The following SPOP variants were observed in gnomAD, a reference collection of about 807,000 sequenced individuals.
SPOP encodes the protein speckle-type POZ protein.
SPOP carries 11 observed loss-of-function variants against 45.6 expected under a neutral mutation model. That is an observed-to-expected ratio of 0.24 (90% CI 0.15 to 0.40). SPOP has a LOEUF of 0.40. Ranked by LOEUF, SPOP falls within the 10% of genes least tolerant of loss-of-function variation. The pLI, the probability that SPOP is intolerant of heterozygous loss-of-function variation, is 1.00. For synonymous variants in SPOP, 166 were observed against 166.3 expected (o/e 1.00, Z 0.01); for missense variants, 152 against 465.6 (o/e 0.33, Z 6.20).
intron 1 of SPOP, among the ~76,000 whole-genome samples, chr17:49,639,227 T>A (rs2072600887): frequency 6.6e-6 from 1 of 150,912 alleles, no homozygotes; most frequent in African/African-American, 2.4e-5. Flanking sequence ...ACTCTCCACT[T>A]TTTTTTTTAA....
chr17:49,630,714 A>G (rs1255454730), intron 1 of SPOP, among the ~76,000 whole-genome samples: 1 of 152,166 alleles, frequency 6.6e-6, no homozygotes, highest in Non-Finnish European at 1.5e-5. Context: ...GGCTTCTCAA[A>G]GCACTGGGAA....
chr17:49,614,858 T>C (rs1171805910), intron 5 of SPOP, among the ~76,000 whole-genome samples: 3 of 150,044 alleles, frequency 2.0e-5, no homozygotes, highest in Admixed American at 1.3e-4. Flanking sequence ...AAACTATTAG[T>C]TTAAAAAATT....
At chr17:49,609,553 G>C (rs956359183) in intron 6 of SPOP, among the ~76,000 whole-genome samples, 5 of 152,170 alleles carry the variant, frequency 3.3e-5, no homozygotes, top group African/African-American at 1.2e-4. Flanking sequence ...AGGGATTGGT[G>C]AGGAAGAAGT....
chr17:49,621,188 T>C (rs2072215758), intron 3 of SPOP, among the ~76,000 whole-genome samples: 1 of 152,218 alleles, frequency 6.6e-6, no homozygotes, highest in Non-Finnish European at 1.5e-5. Flanking sequence ...GTTCAGGGAA[T>C]GCAAACGTAA....
At chr17:49,677,693 G>A (rs537045710) in intron 1 of SPOP, among the ~76,000 whole-genome samples, 22 of 152,306 alleles carry the variant, frequency 1.4e-4, no homozygotes, top group African/African-American at 3.6e-4. Context: ...ATGATGGGGG[G>A]GCTGAAGGCA....
intron 3 of SPOP, among the ~76,000 whole-genome samples, chr17:49,621,299 G>A (rs2072218360): frequency 6.6e-6 from 1 of 152,220 alleles, no homozygotes. Flanking sequence ...GGTACTGCCA[G>A]TTATCCCTTA....
At chr17:49,671,717 T>A (rs1392227661) in intron 1 of SPOP, among the ~76,000 whole-genome samples, 1 of 152,172 alleles carries the variant, frequency 6.6e-6, no homozygotes, top group Non-Finnish European at 1.5e-5. Context: ...GTAGAAATTA[T>A]AATTTAGGCC....
chr17:49,666,490 CA>C lies in SPOP; in HGVS notation c.-67+11442del, dbSNP rs1567804329. On this transcript the variant is annotated intron_variant, in intron 1 of 9. Transcript: ENST00000504102. The stretch of plus-strand genomic sequence containing the variant: ...ACACACACACACACACACACACACA[CA>C]CACCCATATAGGAACAATATAATAA... 1.2e-3 allele frequency among the ~76,000 whole-genome samples: 158 copies of C among 134,330 alleles called. 2 individuals are homozygous for C. In the South Asian group the frequency reaches 0.022, roughly 19 times the overall value. 88.1% of individuals were successfully genotyped at this position (134,330 alleles called of 152,430 possible).
rs200154697 is a variant in SPOP at position 49,622,850 on chromosome 17, G to A, written c.-40C>T. On this transcript the variant is annotated 5_prime_UTR_variant, in exon 2 of 10. Coordinates refer to ENST00000504102, the MANE Select transcript of SPOP (RefSeq NM_001007228.2). The stretch of plus-strand genomic sequence containing the variant: ...TTAAACGAGATTTCCAAAGTCAGGG[G>A]GCAAAGATTTCTGTTCCCTCTTCAC... 1.1e-5 allele frequency: 17 copies of A among 1,550,586 alleles called. No individual in the cohort carries two copies. The highest frequency in any genetic ancestry group is 1.4e-5 in the Non-Finnish European group (16 of 1,122,224).
chr17:49,630,910 A>G (rs1278402936), intron 1 of SPOP, among the ~76,000 whole-genome samples: 1 of 152,248 alleles, frequency 6.6e-6, no homozygotes, highest in Non-Finnish European at 1.5e-5. Flanking sequence ...TCTTAAATAT[A>G]TGAAAAGATG....
chr17:49,667,462 G>A (rs1487021951), intron 1 of SPOP, among the ~76,000 whole-genome samples: 15 of 152,006 alleles, frequency 9.9e-5, no homozygotes, highest in Middle Eastern at 3.4e-3. Context: ...GGTGGCATGC[G>A]CCTGTCATCT....
At chr17:49,652,659 C>T (rs1246034075) in intron 1 of SPOP, among the ~76,000 whole-genome samples, 1 of 152,204 alleles carries the variant, frequency 6.6e-6, no homozygotes, top group African/African-American at 2.4e-5. Context: ...AAACTATACC[C>T]TGACCCTTTC....
Position 49,678,029 on chromosome 17 carries a change from TAC to T in SPOP, c.-165_-164del, listed in dbSNP as rs1343720566. On this transcript the variant is annotated 5_prime_UTR_variant, in exon 1 of 10. The change abolishes the stop of an existing upstream ORF in the 5' untranslated region. Coordinates refer to ENST00000504102, the MANE Select transcript of SPOP (RefSeq NM_001007228.2). The stretch of plus-strand genomic sequence containing the variant: ...ACCTGCGGGACCGCCGATACACAAA[TAC>T]ACACACACTCGGAGCGCGCACACTC... 2 of 398,678 alleles carry T rather than the reference TAC, an allele frequency of 5.0e-6. No individual in the cohort carries two copies. The highest frequency in any genetic ancestry group is 8.8e-6 in the Non-Finnish European group (2 of 226,378). 24.7% of individuals were successfully genotyped at this position (398,678 alleles called of 1,614,324 possible).
At chr17:49,637,680 AT>A (rs1567788920) in intron 1 of SPOP, among the ~76,000 whole-genome samples, 3 of 152,148 alleles carry the variant, frequency 2.0e-5, no homozygotes, top group East Asian at 3.9e-4. Flanking sequence ...AAACTGACCT[AT>A]GAGTGCAGCA....
intron 1 of SPOP, chr17:49,675,750 T>C (rs1463503178): frequency 2.0e-5 from 3 of 152,218 alleles, no homozygotes; most frequent in East Asian, 1.9e-4. Flanking sequence ...CCGGGCACAG[T>C]GGCTCGCACC....
rs34977636 is a variant in SPOP, at chr17:49,669,429, T to TA, written c.-67+8503dup. ...CAAGAATGATCAATAAAAAATAAAT[T>TA]AAAAAAAAAAAAAAGCAAGTTGTAG... On this transcript the variant is annotated intron_variant, in intron 1 of 9. Coordinates refer to ENST00000504102, the MANE Select transcript of SPOP (RefSeq NM_001007228.2). Among the ~76,000 whole-genome samples, 518 of 90,926 alleles carry TA rather than the reference T, an allele frequency of 5.7e-3. 1 individual carries two copies. The highest frequency in any genetic ancestry group is 0.016 in the African/African-American group (414 of 25,358). The allele number at this position is 90,926 out of a possible 152,430, so 59.7% of individuals were successfully genotyped here.
In SPOP at chr17:49,663,807, G is replaced by A. The variant is rs2073018625; in HGVS notation, c.-67+14126C>T. Among the ~76,000 whole-genome samples the A allele has an allele frequency of 2.0e-5, 3 of 152,180 alleles. No homozygotes were observed. In the South Asian group the frequency reaches 6.2e-4, roughly 31 times the overall value. ...TGAAAATGGAGTCTGTCACTTTGAG[G>A]AAAACAAGTGACAGTATTTGTTGCC... On this transcript the variant is annotated intron_variant, in intron 1 of 9. Transcript: ENST00000504102.
rs2072174380 is a variant in SPOP at position 49,619,527 on chromosome 17, A to T, written c.201-142T>A. The T allele has an allele frequency of 1.0e-6, 1 of 984,002 alleles. No individual in the cohort carries two copies. The highest frequency in any genetic ancestry group is 2.6e-5 in the East Asian group (1 of 38,010). 61.0% of individuals were successfully genotyped at this position (984,002 alleles called of 1,614,324 possible). On this transcript the variant is annotated intron_variant, in intron 3 of 9. Coordinates refer to ENST00000504102, the MANE Select transcript of SPOP (RefSeq NM_001007228.2). The surrounding 1 kb of genome is among the most constrained non-coding windows in gnomAD (Gnocchi z 4.9). ...TAATTCAGTAGAATGACTAGTTGGG[A>T]ACAACTTTTTTCTCTTTTTTTTTGA...
intron 1 of SPOP, among the ~76,000 whole-genome samples, chr17:49,675,516 G>T (rs1036512023): frequency 6.6e-6 from 1 of 152,128 alleles, no homozygotes; most frequent in African/African-American, 2.4e-5. Context: ...AAAGAGGATG[G>T]TAAGAAAAGA....
Sources: gnomAD v4.1 joint callset for allele counts (sites outside exome capture counted in the v4.1 genomes callset) on GRCh38, gnomAD v4.1.1 for gene constraint, Gnocchi (gnomAD v3.1) non-coding constraint, MANE v1.5 for transcripts, NCBI Gene and HGNC (gene_info 2026-07-23, HGNC 2026-07-21) for gene names.